The following RASSF5 variants were observed in gnomAD, a reference collection of about 807,000 sequenced individuals.
RASSF5 encodes Ras association domain family member 5, also known as ras association domain-containing protein 5.
A neutral mutation model predicts 40.5 loss-of-function variants in RASSF5; 25 were observed. The observed-to-expected ratio is 0.62, with a 90% CI of 0.45 to 0.86. The LOEUF (loss-of-function observed/expected upper bound fraction) is 0.86, where lower values mean the gene tolerates loss of function less well. Ranked by LOEUF, RASSF5 falls within the 40% of genes least tolerant of loss-of-function variation. RASSF5 has a pLI of 0.00. For missense variants in RASSF5, 521 were observed against 572.8 expected, an observed-to-expected ratio of 0.91 and a Z score of 0.92; for synonymous variants, 246 against 252.4, an observed-to-expected ratio of 0.97 and a Z score of 0.24.
At chr1:206,564,340 ACT>A (rs140821888) in intron 2 of RASSF5, among the ~76,000 whole-genome samples, 1,899 of 151,716 alleles carry the variant, frequency 0.013, 35 homozygotes, top group African/African-American at 0.04. Context: ...GCCATCCCTC[ACT>A]CTCTGTTCTG....
At chr1:206,554,445 T>G (rs187263691) in intron 2 of RASSF5, among the ~76,000 whole-genome samples, 156 of 152,316 alleles carry the variant, frequency 1.0e-3, no homozygotes, top group African/African-American at 3.5e-3. Context: ...CATCTAACAC[T>G]TTGAGTTAGG....
At chr1:206,557,831 T>C (rs1320513457) in intron 2 of RASSF5, 3 of 908,052 alleles carry the variant, frequency 3.3e-6, no homozygotes, top group African/African-American at 3.3e-5. Flanking sequence ...CCCTGAGGGC[T>C]GAGCATCGTA....
intron 1 of RASSF5, among the ~76,000 whole-genome samples, chr1:206,523,497 A>T (rs1553396451): frequency 4.0e-4 from 7 of 17,716 alleles, no homozygotes; most frequent in South Asian, 7.9e-3. Context: ...ATTATATATT[A>T]TATATTTTAT....
intron 2 of RASSF5, chr1:206,572,506 C>G (rs1668484257): frequency 2.0e-5 from 3 of 152,188 alleles, no homozygotes; most frequent in African/African-American, 7.2e-5. Context: ...TGCACTGGTT[C>G]CCCCGGACTG....
At chr1:206,528,842 A>G in intron 1 of RASSF5, 1 of 431,156 alleles carries the variant, frequency 2.3e-6, no homozygotes, top group Non-Finnish European at 4.0e-6. Context: ...GTTTGAGACC[A>G]GCCTGGGCAA....
intron 1 of RASSF5, among the ~76,000 whole-genome samples, chr1:206,533,296 C>T (rs1421110410): frequency 3.3e-5 from 5 of 152,168 alleles, no homozygotes; most frequent in Non-Finnish European, 5.9e-5. Context: ...TTTACCACTC[C>T]CTAACCTCCC....
intron 2 of RASSF5, among the ~76,000 whole-genome samples, chr1:206,563,684 T>C (rs1668211418): frequency 6.6e-6 from 1 of 152,224 alleles, no homozygotes; most frequent in African/African-American, 2.4e-5. Context: ...TTCTCATATA[T>C]GCTGCAATCT....
chr1:206,561,763 T>G (rs1668151949), intron 2 of RASSF5, among the ~76,000 whole-genome samples: 1 of 150,418 alleles, frequency 6.6e-6, no homozygotes, highest in Non-Finnish European at 1.5e-5. Flanking sequence ...CCTCCCAGGT[T>G]CAAGCAATTC....
In RASSF5 at chr1:206,537,724, T is replaced by G. The variant is rs569038180; in HGVS notation, c.458-448T>G. Among the ~76,000 whole-genome samples the G allele has an allele frequency of 3.1e-4, 47 of 152,282 alleles. 1 individual carries two copies. In the Middle Eastern group the frequency reaches 0.014, roughly 44 times the overall value. ...GCATCTTGGAGATCTGATTTTCAGC[T>G]TGGGGATGCACAACCTGTATTTTAC... On this transcript the variant is annotated intron_variant, in intron 1 of 5. Coordinates refer to ENST00000579436, the MANE Select transcript of RASSF5 (RefSeq NM_182663.4).
chr1:206,524,453 T>C (rs944349250), intron 1 of RASSF5, among the ~76,000 whole-genome samples: 9 of 140,110 alleles, frequency 6.4e-5, no homozygotes, highest in African/African-American at 2.4e-4. Flanking sequence ...ATATTTTCTA[T>C]ATATTATATA....
At chr1:206,510,560 C>T (rs549384997) in intron 1 of RASSF5, among the ~76,000 whole-genome samples, 1 of 152,156 alleles carries the variant, frequency 6.6e-6, no homozygotes, top group Admixed American at 6.5e-5. Flanking sequence ...GGGCTTGTGA[C>T]ACCTCCTAGG....
At chr1:206,518,912 G>A (rs983786295) in intron 1 of RASSF5, among the ~76,000 whole-genome samples, 1 of 151,304 alleles carries the variant, frequency 6.6e-6, no homozygotes, top group African/African-American at 2.4e-5. Context: ...TGCCTATCCT[G>A]TAGCCCTTCA....
At chr1:206,537,290 G>A (rs1667441667) in intron 1 of RASSF5, among the ~76,000 whole-genome samples, 1 of 152,178 alleles carries the variant, frequency 6.6e-6, no homozygotes, top group African/African-American at 2.4e-5. Flanking sequence ...ATTGTCGATG[G>A]AATGTGCTTC....
intron 2 of RASSF5, among the ~76,000 whole-genome samples, chr1:206,561,341 C>G (rs782529989): frequency 1.3e-5 from 2 of 152,192 alleles, no homozygotes; most frequent in Non-Finnish European, 2.9e-5. Context: ...GACCGTAGGT[C>G]TTGTCCTCTC....
At chr1:206,586,565 G>T in intron 5 of RASSF5, 1 of 350,136 alleles carries the variant, frequency 2.9e-6, no homozygotes, top group Non-Finnish European at 5.3e-6. Context: ...AGAAACTTAA[G>T]ATTATTGAGT....
intron 2 of RASSF5, among the ~76,000 whole-genome samples, chr1:206,553,999 A>G (rs1553401407): frequency 6.6e-6 from 1 of 152,192 alleles, no homozygotes; most frequent in East Asian, 1.9e-4. Flanking sequence ...AAATATAGAT[A>G]ATAACTGTAG....
At position 206,535,589 on chromosome 1, in the gene RASSF5, T is replaced by C. The variant is rs1334300673; in HGVS notation, c.458-2583T>C. On this transcript the variant is annotated intron_variant, in intron 1 of 5. Transcript: ENST00000579436. The surrounding 1 kb of genome is among the most constrained non-coding windows in gnomAD (Gnocchi z 5.0). ...TACATGGTCCGATGGAACAAAGTCTTTGGTGCTCAAACATGCTTCTTATAA... is the reference window on the plus strand; with the variant it reads ...TACATGGTCCGATGGAACAAAGTCTCTGGTGCTCAAACATGCTTCTTATAA... Among the ~76,000 whole-genome samples the C allele has an allele frequency of 1.3e-5, 2 of 152,108 alleles. No homozygotes were observed. The highest frequency in any genetic ancestry group is 2.9e-5 in the Non-Finnish European group (2 of 68,008).
At chr1:206,539,643 CT>C (rs1168640116) in intron 2 of RASSF5, among the ~76,000 whole-genome samples, 7 of 152,170 alleles carry the variant, frequency 4.6e-5, no homozygotes, top group African/African-American at 1.7e-4. Flanking sequence ...GTAACTATTT[CT>C]GGTGTAGCCT....
chr1:206,551,253 T>C (rs1192011415), intron 2 of RASSF5, among the ~76,000 whole-genome samples: 2 of 152,224 alleles, frequency 1.3e-5, no homozygotes, highest in African/African-American at 4.8e-5. Context: ...ATTTCTTCTA[T>C]TCTGACTCCT....
Sources: gnomAD v4.1 joint callset for allele counts (sites outside exome capture counted in the v4.1 genomes callset) on GRCh38, gnomAD v4.1.1 for gene constraint, Gnocchi (gnomAD v3.1) non-coding constraint, MANE v1.5 for transcripts, NCBI Gene and HGNC (gene_info 2026-07-23, HGNC 2026-07-21) for gene names.